RXFP3: variants seen among roughly 807,000 people sequenced by gnomAD.
RXFP3 encodes the protein relaxin-3 receptor 1.
A neutral mutation model predicts 27.3 loss-of-function variants in RXFP3; 31 were observed. The ratio of observed to expected loss-of-function variants is 1.13; its 90% CI spans 0.85 to 1.53. The LOEUF (loss-of-function observed/expected upper bound fraction) is 1.53. Ranked by LOEUF, RXFP3 falls within the 40% of genes most tolerant of loss-of-function variation. RXFP3 has a pLI of 0.00. For synonymous variants in RXFP3, 351 were observed against 293.6 expected (o/e 1.20, Z -2.00); for missense variants, 684 against 642.1 (o/e 1.07, Z -0.70).
chr5:33,937,312 A>G lies in RXFP3; in HGVS notation c.572A>G (p.His191Arg), dbSNP rs776074089. 6.2e-7 allele frequency: 1 copy of G among 1,613,026 alleles called. No individual in the cohort carries two copies. The highest frequency in any genetic ancestry group is 1.1e-5 in the South Asian group (1 of 91,068). ...YHSVASALKSHRTRGHGRGDC... is the reference protein window; with the variant it reads ...YHSVASALKSRRTRGHGRGDC... ...TCGGTGGCCTCGGCTCTGAAGAGCC[A>G]CCGGACCCGAGGACACGGCCGGGGC... Residue 191 changes from histidine to arginine, a missense_variant, in exon 1 of 1, where the codon CAC becomes CGC. Physicochemically the swap from His to Arg is conservative, Grantham distance 29. Transcript: ENST00000330120.
At position 33,937,063 on chromosome 5, in the gene RXFP3, G is replaced by A; in HGVS notation, c.323G>A (p.Ser108Asn). The A allele has an allele frequency of 6.2e-7, 1 of 1,614,258 alleles. No individual in the cohort carries two copies. Among genetic ancestry groups the A allele is most frequent in the South Asian group, 1.1e-5 (1 of 91,090 alleles). The change falls in exon 1 of 1, where the codon AGC becomes AAC. Residue 108 changes from serine to asparagine, a missense_variant. Transcript: ENST00000330120. ...CTGCTGGTTCTCTACCTGATGAAGAGCATGCAGGGCTGGCGCAAGTCCTCT... is the reference window on the plus strand; with the variant it reads ...CTGCTGGTTCTCTACCTGATGAAGAACATGCAGGGCTGGCGCAAGTCCTCT... Reference protein sequence around the residue: ...GNLLVLYLMKSMQGWRKSSIN... With the variant: ...GNLLVLYLMKNMQGWRKSSIN...
Position 33,937,135 on chromosome 5 carries a change from TGCTCA to T in RXFP3, c.396_400del (p.Leu133ProfsTer11). 1.2e-6 allele frequency: 2 copies of T among 1,613,272 alleles called. No individual in the cohort carries two copies. Among genetic ancestry groups the T allele is most frequent in the Non-Finnish European group, 1.7e-6 (2 of 1,179,244 alleles). On this transcript the variant is annotated frameshift_variant, in exon 1 of 1. Coordinates refer to ENST00000330120, the MANE Select transcript of RXFP3 (RefSeq NM_016568.3). LOFTEE classifies it high-confidence loss of function. ...CTGGCGCTGACGGACTTTCAGTTTG[TGCTCA>T]CCCTGCCCTTCTGGGCGGTGGAGAA...
chr5:33,938,048 G>C lies in RXFP3; in HGVS notation c.1308G>C (p.Pro436=). The C allele has an allele frequency of 6.2e-7, 1 of 1,611,594 alleles. No homozygotes were observed. The highest frequency in any genetic ancestry group is 8.5e-7 in the Non-Finnish European group (1 of 1,179,496). The part of the protein sequence containing the change: ...HEDQGLQAPA[P]PHAAAEPDLL... ...ATCAGGGGCTGCAGGCCCCGGCGCC[G>C]CCCCACGCGGCCGCGGAGCCGGACC... The change falls in exon 1 of 1, where the codon CCG becomes CCC. Residue 436 remains proline (P), a synonymous_variant. Coordinates refer to ENST00000330120, the MANE Select transcript of RXFP3 (RefSeq NM_016568.3).
rs756426426 is a variant in RXFP3, at chr5:33,938,089, C to T, written c.1349C>T (p.Pro450Leu). The T allele has an allele frequency of 1.7e-5, 28 of 1,610,602 alleles. No homozygotes were observed. The highest frequency in any genetic ancestry group is 2.2e-5 in the East Asian group (1 of 44,840). The change falls in exon 1 of 1, where the codon CCT becomes CTT. Residue 450 changes from proline (P) to leucine (L), a missense_variant. Pro to Leu is a moderately conservative substitution (Grantham distance 98). Transcript: ENST00000330120. ...AAEPDLLYYP[P>L]GVVVYSGGRY... is the part of the protein sequence containing the mutation. ...GAGCCGGACCTGCTCTACTACCCAC[C>T]TGGCGTCGTGGTCTACAGCGGGGGG...
In RXFP3 at chr5:33,937,986, C is replaced by A. The variant is rs1314203434; in HGVS notation, c.1246C>A (p.Arg416Ser). ...CGCGTCTCCTTCGATCACCAGCATG[C>A]GCCCCTTCACCGCCACTACCAAGCC... ...RIASPSITSM[R>S]PFTATTKPEH... is the part of the protein sequence containing the mutation. Residue 416 changes from arginine to serine, a missense_variant, in exon 1 of 1, where the codon CGC (arginine) becomes AGC (serine). Arg to Ser is a moderately radical substitution (Grantham distance 110, BLOSUM62 -1). Transcript: ENST00000330120. 3 of 1,612,656 alleles carry A rather than the reference C, an allele frequency of 1.9e-6. No homozygotes were observed. Among genetic ancestry groups the A allele is most frequent in the East Asian group, 2.2e-5 (1 of 44,882 alleles).
rs1158078612 is a variant in RXFP3 at position 33,937,100 on chromosome 5, C to T, written c.360C>T (p.Phe120=). The T allele has an allele frequency of 3.7e-6, 6 of 1,613,542 alleles. No homozygotes were observed. Among genetic ancestry groups the T allele is most frequent in the Middle Eastern group, 1.6e-4 (1 of 6,082 alleles). The stretch of plus-strand genomic sequence containing the variant: ...GGCGCAAGTCCTCTATCAACCTCTT[C>T]GTCACCAACCTGGCGCTGACGGACT... ...QGWRKSSINL[F]VTNLALTDFQ... Residue 120 remains phenylalanine (F), a synonymous_variant, in exon 1 of 1, where the codon TTC becomes TTT. Transcript: ENST00000330120.
Position 33,937,291 on chromosome 5 carries a change from T to A in RXFP3, c.551T>A (p.Val184Glu). ...TAMSVTRYHS[V>E]ASALKSHRTR... ...ATGAGTGTGACGCGCTACCATTCGG[T>A]GGCCTCGGCTCTGAAGAGCCACCGG... The change falls in exon 1 of 1, where the codon GTG becomes GAG. Residue 184 changes from valine to glutamate, a missense_variant. By Grantham distance (121) the Val-to-Glu change is moderately radical (BLOSUM62 -2). Transcript: ENST00000330120. 1 of 1,613,416 alleles carries A rather than the reference T, an allele frequency of 6.2e-7. No individual in the cohort carries two copies. Among genetic ancestry groups the A allele is most frequent in the Non-Finnish European group, 8.5e-7 (1 of 1,179,984 alleles).
At position 33,937,493 on chromosome 5, in the gene RXFP3, C is replaced by A. The variant is rs777196050; in HGVS notation, c.753C>A (p.Phe251Leu). ...VMGEELCLVR[F>L]PDKLLGRDRQ... ...GCGAGGAGCTGTGCCTGGTGCGTTT[C>A]CCGGACAAGTTGCTGGGCCGCGACA... The change falls in exon 1 of 1, where the codon TTC becomes TTA. Residue 251 changes from phenylalanine to leucine, a missense_variant. Physicochemically the swap from Phe to Leu is conservative, Grantham distance 22. Transcript: ENST00000330120. 2 of 1,599,776 alleles carry A rather than the reference C, an allele frequency of 1.3e-6. No homozygotes were observed. Among genetic ancestry groups the A allele is most frequent in the South Asian group, 2.2e-5 (2 of 88,892 alleles).
At position 33,936,830 on chromosome 5, in the gene RXFP3, C is replaced by T; in HGVS notation, c.90C>T (p.Asp30=). The change falls in exon 1 of 1, where the codon GAC becomes GAT. Residue 30 remains aspartate (D), a synonymous_variant. Coordinates refer to ENST00000330120, the MANE Select transcript of RXFP3 (RefSeq NM_016568.3). The part of the protein sequence containing the change: ...KLAELFSLVP[D]LLEAANTSGN... ...CAGAACTCTTCAGTCTGGTCCCGGA[C>T]CTTCTGGAGGCGGCCAACACGAGTG... 2 of 1,587,346 alleles carry T rather than the reference C, an allele frequency of 1.3e-6. No individual in the cohort carries two copies. Among genetic ancestry groups the T allele is most frequent in the Non-Finnish European group, 1.7e-6 (2 of 1,162,502 alleles).
chr5:33,937,678 C>G lies in RXFP3; in HGVS notation c.938C>G (p.Pro313Arg), dbSNP rs1277631657. Residue 313 changes from proline to arginine, a missense_variant, in exon 1 of 1, where the codon CCG (proline) becomes CGG (arginine). Transcript: ENST00000330120. ...GGGGCCGCGGTAGCCGGAGGACGCC[C>G]GACCGGAGCCAGCGCCCGGAGACTG... ...KGGAAVAGGR[P>R]TGASARRLSK... is the part of the protein sequence containing the mutation. 1.1e-5 allele frequency: 17 copies of G among 1,610,496 alleles called. No individual in the cohort carries two copies. The highest frequency in any genetic ancestry group is 1.4e-5 in the Non-Finnish European group (17 of 1,178,788).
chr5:33,938,090 T>C lies in RXFP3; in HGVS notation c.1350T>C (p.Pro450=), dbSNP rs1751716903. The part of the protein sequence containing the change: ...AAEPDLLYYP[P]GVVVYSGGRY... ...AGCCGGACCTGCTCTACTACCCACC[T>C]GGCGTCGTGGTCTACAGCGGGGGGC... The change falls in exon 1 of 1, where the codon CCT becomes CCC. Residue 450 remains proline, a synonymous_variant. Transcript: ENST00000330120. The C allele has an allele frequency of 6.2e-7, 1 of 1,610,496 alleles. No individual in the cohort carries two copies. Among genetic ancestry groups the C allele is most frequent in the South Asian group, 1.1e-5 (1 of 90,970 alleles).
Position 33,937,692 on chromosome 5 carries a change from G to T in RXFP3, c.952G>T (p.Ala318Ser), listed in dbSNP as rs749656963. Residue 318 changes from alanine (A) to serine (S), a missense_variant, in exon 1 of 1, where the codon GCC (alanine) becomes TCC (serine). By Grantham distance (99) the Ala-to-Ser change is moderately conservative. Coordinates refer to ENST00000330120, the MANE Select transcript of RXFP3 (RefSeq NM_016568.3). Reference sequence around the variant, plus strand: ...CGGAGGACGCCCGACCGGAGCCAGCGCCCGGAGACTGTCGAAGGTCACCAA... The same window carrying T: ...CGGAGGACGCCCGACCGGAGCCAGCTCCCGGAGACTGTCGAAGGTCACCAA... ...VAGGRPTGAS[A>S]RRLSKVTKSV... 2 of 1,612,430 alleles carry T rather than the reference G, an allele frequency of 1.2e-6. No homozygotes were observed. The highest frequency in any genetic ancestry group is 1.7e-6 in the Non-Finnish European group (2 of 1,179,518).
chr5:33,937,536 C>T lies in RXFP3; in HGVS notation c.796C>T (p.Leu266Phe). 1 of 1,577,000 alleles carries T rather than the reference C, an allele frequency of 6.3e-7. No homozygotes were observed. Among genetic ancestry groups the T allele is most frequent in the Non-Finnish European group, 8.6e-7 (1 of 1,161,622 alleles). Residue 266 changes from leucine to phenylalanine, a missense_variant, in exon 1 of 1, where the codon CTC becomes TTC. Transcript: ENST00000330120. The part of the protein sequence containing the change: ...LGRDRQFWLG[L>F]YHSQKVLLGF... ...CCGCGACAGGCAGTTCTGGCTGGGC[C>T]TCTACCACTCGCAGAAGGTGCTGCT...
At position 33,937,767 on chromosome 5, in the gene RXFP3, C is replaced by T. The variant is rs1460152206; in HGVS notation, c.1027C>T (p.Gln343Ter). 1 of 1,614,146 alleles carries T rather than the reference C, an allele frequency of 6.2e-7. No homozygotes were observed. Among genetic ancestry groups the T allele is most frequent in the Admixed American group, 1.7e-5 (1 of 60,028 alleles). Reference protein sequence around the residue: ...LSFFLCWLPNQALTTWSILIK... With the variant: ...LSFFLCWLPN Reference sequence around the variant, plus strand: ...CTTCTTCCTGTGTTGGCTGCCCAACCAGGCGCTCACCACCTGGAGCATCCT... The same window carrying T: ...CTTCTTCCTGTGTTGGCTGCCCAACTAGGCGCTCACCACCTGGAGCATCCT... The change falls in exon 1 of 1, where the codon CAG (glutamine) becomes TAG (stop). Residue 343 changes from glutamine (Q) to a stop codon, truncating the protein, a stop_gained. Coordinates refer to ENST00000330120, the MANE Select transcript of RXFP3 (RefSeq NM_016568.3). LOFTEE classifies it high-confidence loss of function.
At position 33,937,314 on chromosome 5, in the gene RXFP3, C is replaced by T. The variant is rs201917378; in HGVS notation, c.574C>T (p.Arg192Trp). The change falls in exon 1 of 1, where the codon CGG (arginine) becomes TGG (tryptophan). Residue 192 changes from arginine to tryptophan, a missense_variant. Physicochemically the swap from Arg to Trp is moderately radical, Grantham distance 101. Transcript: ENST00000330120. ...GGTGGCCTCGGCTCTGAAGAGCCAC[C>T]GGACCCGAGGACACGGCCGGGGCGA... ...HSVASALKSH[R>W]TRGHGRGDCC... 2.5e-6 allele frequency: 4 copies of T among 1,612,944 alleles called. No homozygotes were observed. The highest frequency in any genetic ancestry group is 4.5e-5 in the East Asian group (2 of 44,876).
In RXFP3 at chr5:33,936,614, C is replaced by T. The variant is rs1751668535; in HGVS notation, c.-127C>T. The T allele has an allele frequency of 1.1e-6, 1 of 883,432 alleles. No homozygotes were observed. The highest frequency in any genetic ancestry group is 3.0e-5 in the South Asian group (1 of 33,668). The allele number at this position is 883,432 out of a possible 1,614,324, so 54.7% of individuals were successfully genotyped here. ...ACGCGCTTAGTACCCAGTTCCTGGG[C>T]TCTCTCTTCAGTAGCTGCTTTGAAA... On this transcript the variant is annotated 5_prime_UTR_variant, in exon 1 of 1. Transcript: ENST00000330120.
In RXFP3 at chr5:33,937,279, G is replaced by T. The variant is rs1050898469; in HGVS notation, c.539G>T (p.Arg180Leu). ...VFFLTAMSVT[R>L]YHSVASALKS... ...TTCCTCACTGCCATGAGTGTGACGCGCTACCATTCGGTGGCCTCGGCTCTG... is the reference window on the plus strand; with the variant it reads ...TTCCTCACTGCCATGAGTGTGACGCTCTACCATTCGGTGGCCTCGGCTCTG... Residue 180 changes from arginine to leucine, a missense_variant, in exon 1 of 1, where the codon CGC becomes CTC. By Grantham distance (102) the Arg-to-Leu change is moderately radical. Transcript: ENST00000330120. 7.4e-6 allele frequency: 12 copies of T among 1,613,424 alleles called. No homozygotes were observed. Among genetic ancestry groups the T allele is most frequent in the Non-Finnish European group, 9.3e-6 (11 of 1,179,990 alleles).
rs776817790 is a variant in RXFP3 at position 33,936,947 on chromosome 5, C to T, written c.207C>T (p.Gly69=). 1.2e-5 allele frequency: 20 copies of T among 1,602,798 alleles called. No individual in the cohort carries two copies. The highest frequency in any genetic ancestry group is 1.7e-5 in the Admixed American group (1 of 59,668). The change falls in exon 1 of 1, where the codon GGC becomes GGT. Residue 69 remains glycine, a synonymous_variant. Transcript: ENST00000330120. ...GAPPGHPPGS[G]GAESADTEAR... ...CGCCAGGACATCCCCCGGGCAGCGG[C>T]GGGGCAGAGAGCGCGGACACAGAGG...
Position 33,937,796 on chromosome 5 carries a change from C to G in RXFP3, c.1056C>G (p.Ile352Met), listed in dbSNP as rs377440833. 16 of 1,614,200 alleles carry G rather than the reference C, an allele frequency of 9.9e-6. No homozygotes were observed. The African/African-American group carries it at 1.9e-4, about 19-fold the overall frequency. Residue 352 changes from isoleucine (I) to methionine (M), a missense_variant, in exon 1 of 1, where the codon ATC becomes ATG. By Grantham distance (10) the Ile-to-Met change is conservative (BLOSUM62 1). Coordinates refer to ENST00000330120, the MANE Select transcript of RXFP3 (RefSeq NM_016568.3). The stretch of plus-strand genomic sequence containing the variant: ...CGCTCACCACCTGGAGCATCCTCAT[C>G]AAGTTCAACGCGGTGCCCTTCAGCC... ...NQALTTWSILIKFNAVPFSQE... is the reference protein window; with the variant it reads ...NQALTTWSILMKFNAVPFSQE...
Sources: allele counts gnomAD v4.1 joint callset, GRCh38; gene constraint gnomAD v4.1.1; transcripts MANE v1.5; gene names NCBI Gene and HGNC (gene_info 2026-07-23, HGNC 2026-07-21).